Variants in TESK2 observed in about 807,000 individuals in gnomAD.
TESK2 encodes the protein dual specificity testis-specific protein kinase 2.
In TESK2, 39 loss-of-function variants were observed where a neutral mutation model predicts 57.1. That is an observed-to-expected ratio of 0.68 (90% CI 0.53 to 0.89). The LOEUF (loss-of-function observed/expected upper bound fraction) is 0.89, where lower values mean the gene tolerates loss of function less well. Among genes scored for constraint, TESK2 ranks in the 40% least tolerant of loss-of-function variants. The pLI, the probability that TESK2 is intolerant of heterozygous loss-of-function variation, is 0.00. For missense variants in TESK2, 646 were observed against 732.1 expected, an observed-to-expected ratio of 0.88 and a Z score of 1.36; for synonymous variants, 249 against 267.9, an observed-to-expected ratio of 0.93 and a Z score of 0.69.
chr1:45,400,708 AC>A (rs1349864161), intron 3 of TESK2, among the ~76,000 whole-genome samples: 2 of 152,094 alleles, frequency 1.3e-5, no homozygotes, highest in Non-Finnish European at 2.9e-5. Flanking sequence ...CCTCCCTCAA[AC>A]TTTATTACCT....
At chr1:45,392,171 C>T (rs1378110424) in intron 3 of TESK2, among the ~76,000 whole-genome samples, 4 of 152,270 alleles carry the variant, frequency 2.6e-5, no homozygotes, top group East Asian at 3.9e-4. Flanking sequence ...CTGCAACCTC[C>T]GCCTCCCGGG....
chr1:45,346,863 G>A (rs1353142620), intron 8 of TESK2, 84 bp from the exon 9 acceptor site: 1 of 1,533,372 alleles, frequency 6.5e-7, no homozygotes, highest in Non-Finnish European at 9.0e-7. Context: ...GTGGTTGGGA[G>A]CTGCCCCTGA....
chr1:45,397,439 C>T (rs958486823), intron 3 of TESK2, among the ~76,000 whole-genome samples: 2 of 152,152 alleles, frequency 1.3e-5, no homozygotes, highest in Non-Finnish European at 2.9e-5. Context: ...CCTTGAGAAA[C>T]TGCTACTCAA....
At chr1:45,451,992 C>A (rs376052112) in intron 2 of TESK2, among the ~76,000 whole-genome samples, 1 of 132,330 alleles carries the variant, frequency 7.6e-6, no homozygotes, top group African/African-American at 3.1e-5. Context: ...AAGATCACAC[C>A]ACTGCATTCC....
chr1:45,348,203 T>C (rs1381126796), intron 5 of TESK2, among the ~76,000 whole-genome samples: 1 of 152,150 alleles, frequency 6.6e-6, no homozygotes, highest in Non-Finnish European at 1.5e-5. Flanking sequence ...CTTGGGTGGC[T>C]GTCCTAGGAT....
At chr1:45,431,592 A>G (rs751780742) in intron 2 of TESK2, among the ~76,000 whole-genome samples, 1 of 152,172 alleles carries the variant, frequency 6.6e-6, no homozygotes, top group Non-Finnish European at 1.5e-5. Flanking sequence ...TATAATGCAA[A>G]TATTCAAAAA....
At position 45,343,950 on chromosome 1, in the gene TESK2, C is replaced by CAAA. The variant is rs1647100172; in HGVS notation, c.*889_*890insTTT. On this transcript the variant is annotated 3_prime_UTR_variant, in exon 11 of 11. Transcript: ENST00000372086. This position sits in a 1 kb window ranked among gnomAD's most constrained non-coding sequence, Gnocchi z 4.3. ...GGGAAAGTTTTACAAAAAAAAAAAT[C>CAAA]AACAGAAGCAAGTTATGAAAATATT... 4.7e-6 allele frequency: 2 copies of CAAA among 423,248 alleles called. No homozygotes were observed. Among genetic ancestry groups the CAAA allele is most frequent in the Non-Finnish European group, 8.5e-6 (2 of 234,972 alleles). 26.2% of individuals were successfully genotyped at this position (423,248 alleles called of 1,614,324 possible).
intron 10 of TESK2, 80 bp downstream of exon 10, chr1:45,345,797 C>T (rs1647134250): frequency 8.2e-7 from 1 of 1,217,440 alleles, no homozygotes; most frequent in Non-Finnish European, 1.2e-6. Flanking sequence ...TCCTGGCAAT[C>T]ACAACCCTAA....
chr1:45,448,237 C>CAAAAAA, intron 2 of TESK2, among the ~76,000 whole-genome samples: 1 of 84,338 alleles, frequency 1.2e-5, no homozygotes, highest in East Asian at 3.6e-4. Flanking sequence ...GACCCTGTCT[C>CAAAAAA]AAAAAAAAAA....
intron 1 of TESK2, among the ~76,000 whole-genome samples, chr1:45,479,475 A>G (rs1298694323): frequency 1.3e-5 from 2 of 151,768 alleles, no homozygotes; most frequent in Admixed American, 6.6e-5. Flanking sequence ...CTTGTTGCCC[A>G]GGTTGGAGTG....
chr1:45,442,215 C>T (rs530461371), intron 2 of TESK2, among the ~76,000 whole-genome samples: 1 of 152,112 alleles, frequency 6.6e-6, no homozygotes, highest in Non-Finnish European at 1.5e-5. Context: ...GGATTATAGG[C>T]GTGAGCCACC....
chr1:45,454,762 C>T (rs957046509), intron 2 of TESK2, among the ~76,000 whole-genome samples: 3 of 151,972 alleles, frequency 2.0e-5, no homozygotes, highest in Non-Finnish European at 4.4e-5. Flanking sequence ...TGGAAACAGC[C>T]CCACCATCGA....
At chr1:45,346,646 G>A in intron 9 of TESK2, 47 bp downstream of exon 9, 3 of 1,529,674 alleles carry the variant, frequency 2.0e-6, no homozygotes, top group Non-Finnish European at 1.8e-6. Context: ...CAGGTGAAAA[G>A]GGTTCAGCCA....
chr1:45,466,650 A>AAATAAT (rs1257483316), intron 1 of TESK2, among the ~76,000 whole-genome samples: 51 of 148,814 alleles, frequency 3.4e-4, no homozygotes, highest in Non-Finnish European at 6.2e-4. Flanking sequence ...ACTCTATCTC[A>AAATAAT]AATAATAATA....
intron 4 of TESK2, among the ~76,000 whole-genome samples, chr1:45,365,082 C>T (rs934355342): frequency 6.6e-6 from 1 of 152,132 alleles, no homozygotes; most frequent in Non-Finnish European, 1.5e-5. Context: ...AAAGGCTAGC[C>T]GACATCCCAT....
chr1:45,350,677 C>T (rs1647218206), intron 5 of TESK2, among the ~76,000 whole-genome samples: 2 of 152,130 alleles, frequency 1.3e-5, no homozygotes. Flanking sequence ...CATCCCTTGC[C>T]CTCAATCCTA....
At chr1:45,451,843 G>C (rs1252113835) in intron 2 of TESK2, among the ~76,000 whole-genome samples, 1 of 151,904 alleles carries the variant, frequency 6.6e-6, no homozygotes, top group Non-Finnish European at 1.5e-5. Context: ...AGACCAGCCT[G>C]GCCAGCATGG....
At chr1:45,349,000 C>A (rs1176173427) in intron 5 of TESK2, among the ~76,000 whole-genome samples, 1 of 152,006 alleles carries the variant, frequency 6.6e-6, no homozygotes, top group Non-Finnish European at 1.5e-5. Flanking sequence ...TCAAAATAGC[C>A]CTACACTGCT....
chr1:45,385,532 T>A (rs919248061), intron 4 of TESK2, among the ~76,000 whole-genome samples: 1 of 152,106 alleles, frequency 6.6e-6, no homozygotes, highest in Non-Finnish European at 1.5e-5. Context: ...AGTGCTGTCA[T>A]CCCTTGGCTT....
Sources: gnomAD v4.1 joint callset for allele counts (sites outside exome capture counted in the v4.1 genomes callset) on GRCh38, gnomAD v4.1.1 for gene constraint, Gnocchi (gnomAD v3.1) non-coding constraint, MANE v1.5 for transcripts, NCBI Gene and HGNC (gene_info 2026-07-23, HGNC 2026-07-21) for gene names.